The following SBF2 variants were observed in gnomAD, a reference collection of about 807,000 sequenced individuals.
SBF2 encodes SET binding factor 2.
Under a neutral mutation model 225.2 loss-of-function variants are expected in SBF2, and 112 were observed. The observed-to-expected ratio is 0.50, with a 90% CI of 0.43 to 0.58. SBF2 has a LOEUF of 0.58. Ranked by LOEUF, SBF2 falls within the 20% of genes least tolerant of loss-of-function variation. The pLI is 0.00. For synonymous variants in SBF2, 763 were observed against 773.3 expected (o/e 0.99, Z 0.22); for missense variants, 1,996 against 2,206.2 (o/e 0.90, Z 1.91).
At chr11:9,920,801 C>G (rs927809115) in intron 16 of SBF2, among the ~76,000 whole-genome samples, 2 of 152,068 alleles carry the variant, frequency 1.3e-5, no homozygotes, top group Non-Finnish European at 2.9e-5. Flanking sequence ...TGTCCAGGCA[C>G]GAGGACAGTG....
intron 1 of SBF2, among the ~76,000 whole-genome samples, chr11:10,254,543 C>T (rs1399259005): frequency 6.6e-6 from 1 of 151,622 alleles, no homozygotes; most frequent in Non-Finnish European, 1.5e-5. Context: ...ACTTAAGTGT[C>T]TATCAACAGA....
intron 1 of SBF2, among the ~76,000 whole-genome samples, chr11:10,232,724 C>T (rs1442624744): frequency 6.6e-6 from 1 of 151,794 alleles, no homozygotes; most frequent in Non-Finnish European, 1.5e-5. Flanking sequence ...CAATTGTGAC[C>T]AGTTTAGAAC....
intron 2 of SBF2, among the ~76,000 whole-genome samples, chr11:10,102,481 G>T (rs1952350134): frequency 6.6e-6 from 1 of 152,192 alleles, no homozygotes; most frequent in African/African-American, 2.4e-5. Flanking sequence ...AGTAGAATAT[G>T]GTTTTGCTGG....
At chr11:9,868,361 A>AT (rs1858417961) in intron 17 of SBF2, among the ~76,000 whole-genome samples, 1 of 146,304 alleles carries the variant, frequency 6.8e-6, no homozygotes, top group African/African-American at 2.5e-5. Flanking sequence ...AAAAAAAAAA[A>AT]AAAAAAATTA....
chr11:10,259,204 A>C (rs138716603), intron 1 of SBF2, among the ~76,000 whole-genome samples: 72 of 152,334 alleles, frequency 4.7e-4, no homozygotes, highest in African/African-American at 1.6e-3. Context: ...TGTTAAGAGC[A>C]CAGGTTGTAG....
At chr11:10,160,901 C>A (rs906126427) in intron 2 of SBF2, among the ~76,000 whole-genome samples, 5 of 152,062 alleles carry the variant, frequency 3.3e-5, no homozygotes, top group African/African-American at 1.2e-4. Context: ...TCTTCTTGTA[C>A]CACAAACCTC....
intron 2 of SBF2, among the ~76,000 whole-genome samples, chr11:10,119,439 C>T (rs1953325549): frequency 6.6e-6 from 1 of 152,098 alleles, no homozygotes; most frequent in Non-Finnish European, 1.5e-5. Context: ...TACTTAATCT[C>T]CCAAAGCAAA....
chr11:9,831,066 G>A (rs1041450039), intron 27 of SBF2, among the ~76,000 whole-genome samples: 1 of 152,008 alleles, frequency 6.6e-6, no homozygotes, highest in East Asian at 1.9e-4. Context: ...TGGTGCAATC[G>A]TGGCTCACTA....
At chr11:9,833,610 C>G (rs7948810) in intron 26 of SBF2, among the ~76,000 whole-genome samples, 1 of 151,484 alleles carries the variant, frequency 6.6e-6, no homozygotes, top group Admixed American at 6.6e-5. Flanking sequence ...TCAATAGAGA[C>G]GGGGTTTCAC....
chr11:9,787,483 C>T, intron 36 of SBF2, 151 bp downstream of exon 36: 2 of 704,338 alleles, frequency 2.8e-6, no homozygotes, highest in Non-Finnish European at 5.2e-6. Flanking sequence ...AACTTTCTGC[C>T]CTGGACCTCC....
At chr11:9,845,440 G>A in intron 24 of SBF2, 125 bp downstream of exon 24, 3 of 913,560 alleles carry the variant, frequency 3.3e-6, no homozygotes, top group Non-Finnish European at 5.3e-6. Context: ...GGCCCCATGG[G>A]CTTGACAGAA....
chr11:10,004,794 A>C (rs913955259), intron 6 of SBF2, among the ~76,000 whole-genome samples: 12 of 152,232 alleles, frequency 7.9e-5, no homozygotes, highest in Non-Finnish European at 1.8e-4. Context: ...TCACATGTAA[A>C]TTGTGTATTC....
chr11:10,287,448 T>TC (rs1195684574), intron 1 of SBF2, among the ~76,000 whole-genome samples: 1 of 148,128 alleles, frequency 6.8e-6, no homozygotes, highest in Admixed American at 6.7e-5. Context: ...CGCCAGGCTA[T>TC]TTTTTTTTTT....
intron 36 of SBF2, among the ~76,000 whole-genome samples, chr11:9,786,113 G>A (rs552206973): frequency 9.9e-5 from 15 of 151,968 alleles, no homozygotes; most frequent in Non-Finnish European, 2.2e-4. Context: ...TGCCTGCCTC[G>A]GCCTCCCAAA....
chr11:10,243,749 G>A (rs1436901745), intron 1 of SBF2, among the ~76,000 whole-genome samples: 3 of 151,958 alleles, frequency 2.0e-5, no homozygotes, highest in Non-Finnish European at 2.9e-5. Flanking sequence ...GCTGAATTAA[G>A]AAGAAATGAA....
At chr11:10,242,868 T>C (rs1014634943) in intron 1 of SBF2, among the ~76,000 whole-genome samples, 8 of 152,142 alleles carry the variant, frequency 5.3e-5, no homozygotes, top group Non-Finnish European at 1.0e-4. Flanking sequence ...GAGAAATAGA[T>C]AGCAATAGAA....
At position 9,847,096 on chromosome 11, in the gene SBF2, A is replaced by G. The variant is rs754527832; in HGVS notation, c.2807-13T>C. 1 of 1,613,672 alleles carries G rather than the reference A, an allele frequency of 6.2e-7. No individual in the cohort carries two copies. Among genetic ancestry groups the G allele is most frequent in the Non-Finnish European group, 8.5e-7 (1 of 1,179,610 alleles). ...GTCTGCTCACCCACTGTAAATAGAC[A>G]GGACACAGCTTCAGCAACAACACTT... On this transcript the variant is annotated splice_polypyrimidine_tract_variant and intron_variant, in intron 22 of 39. Transcript: ENST00000256190.
intron 26 of SBF2, among the ~76,000 whole-genome samples, chr11:9,833,642 G>C (rs578223989): frequency 3.3e-5 from 5 of 151,870 alleles, no homozygotes; most frequent in African/African-American, 4.8e-5. Flanking sequence ...GGATGGTCTC[G>C]ATCTCCTGAC....
intron 16 of SBF2, among the ~76,000 whole-genome samples, chr11:9,908,876 T>C (rs1319953796): frequency 6.7e-6 from 1 of 148,834 alleles, no homozygotes; most frequent in African/African-American, 2.5e-5. Context: ...TTTGTAAAGA[T>C]GAGGTTCCGC....
Sources: allele counts gnomAD v4.1 joint callset (sites outside exome capture counted in the v4.1 genomes callset), GRCh38; gene constraint gnomAD v4.1.1; transcripts MANE v1.5; gene names NCBI Gene and HGNC (gene_info 2026-07-23, HGNC 2026-07-21).